The following PARVB variants were observed in gnomAD, a reference collection of about 807,000 sequenced individuals.
PARVB encodes the protein beta-parvin.
PARVB carries 46 observed loss-of-function variants against 47.0 expected under a neutral mutation model. The ratio of observed to expected loss-of-function variants is 0.98; its 90% CI spans 0.77 to 1.25. The LOEUF is 1.25. Ranked by LOEUF, PARVB falls within the 50% of genes most tolerant of loss-of-function variation. The pLI, the probability that PARVB is intolerant of heterozygous loss-of-function variation, is 0.00. For synonymous variants in PARVB, 196 were observed against 196.3 expected (o/e 1.00, Z 0.01); for missense variants, 473 against 471.6 (o/e 1.00, Z -0.03).
At chr22:44,074,902 G>A (rs2051733536) in intron 1 of PARVB, among the ~76,000 whole-genome samples, 1 of 152,172 alleles carries the variant, frequency 6.6e-6, no homozygotes. Flanking sequence ...GGACGGAGGA[G>A]CCCAGTGGGC....
chr22:44,071,723 G>A (rs1254813286), intron 1 of PARVB, among the ~76,000 whole-genome samples: 1 of 152,144 alleles, frequency 6.6e-6, no homozygotes, highest in Admixed American at 6.5e-5. Flanking sequence ...ATTAGTGATG[G>A]GTGTTTATTT....
upstream of PARVB, among the ~76,000 whole-genome samples, chr22:44,022,566 ATG>A (rs2050662427): frequency 6.6e-6 from 1 of 151,896 alleles, no homozygotes; most frequent in Non-Finnish European, 1.5e-5. Flanking sequence ...CAACAGAAAC[ATG>A]TACTGCACTG....
intron 1 of PARVB, among the ~76,000 whole-genome samples, chr22:44,091,271 C>G (rs936935801): frequency 3.1e-5 from 4 of 127,594 alleles, no homozygotes; most frequent in African/African-American, 1.1e-4. Flanking sequence ...TGGAGAGGGC[C>G]TGCTTTTTTT....
chr22:44,035,747 C>T (rs997765403), intron 1 of PARVB, among the ~76,000 whole-genome samples: 5 of 151,472 alleles, frequency 3.3e-5, no homozygotes, highest in Non-Finnish European at 5.9e-5. Context: ...TCAGGGTTTA[C>T]GGTATTGCAC....
chr22:44,103,777 G>T lies in PARVB; in HGVS notation c.273+3654G>T, dbSNP rs2052506146. 3 of 152,244 alleles carry T rather than the reference G, an allele frequency of 2.0e-5. No homozygotes were observed. The South Asian group carries it at 6.2e-4, about 31-fold the overall frequency. The allele number at this position is 152,244 out of a possible 1,614,324, so 9.4% of individuals were successfully genotyped here. ...GTGGTAGCTTCTGGCTCTGAAGATGGAAGAAGGGGCCATGCACTAATGGAT... is the reference window on the plus strand; with the variant it reads ...GTGGTAGCTTCTGGCTCTGAAGATGTAAGAAGGGGCCATGCACTAATGGAT... On this transcript the variant is annotated intron_variant, in intron 3 of 12. Coordinates refer to ENST00000338758, the MANE Select transcript of PARVB (RefSeq NM_013327.5). The surrounding 1 kb of genome is among the most constrained non-coding windows in gnomAD (Gnocchi z 4.6).
At chr22:44,076,464 G>A (rs5764084) in intron 1 of PARVB, among the ~76,000 whole-genome samples, 22,134 of 152,174 alleles carry the variant, frequency 0.15, 1,954 homozygotes, top group East Asian at 0.42. Context: ...TCTTCCCTCC[G>A]GAGGGTGCAG....
chr22:44,122,803 C>T (rs2053100014), intron 4 of PARVB, among the ~76,000 whole-genome samples: 1 of 152,148 alleles, frequency 6.6e-6, no homozygotes, highest in Non-Finnish European at 1.5e-5. Flanking sequence ...TTAATATGTT[C>T]TAGGAATCCT....
intron 1 of PARVB, among the ~76,000 whole-genome samples, chr22:44,027,939 ATT>A (rs1491442780): frequency 1.4e-5 from 2 of 143,846 alleles, no homozygotes; most frequent in African/African-American, 5.1e-5. Context: ...ATATATATAT[ATT>A]CATGTGTGTG....
intron 1 of PARVB, among the ~76,000 whole-genome samples, chr22:44,047,831 T>C (rs761184960): frequency 1.3e-5 from 2 of 152,130 alleles, no homozygotes; most frequent in African/African-American, 2.4e-5. Flanking sequence ...TATTTGACGT[T>C]GGTGTAATCT....
At chr22:44,099,952 C>G in intron 2 of PARVB, 101 bp from the exon 3 acceptor site, 1 of 956,770 alleles carries the variant, frequency 1.0e-6, no homozygotes, top group Non-Finnish European at 1.7e-6. Context: ...GCTGGGTTCT[C>G]TGCTTCTCCA....
At position 44,006,497 on chromosome 22, in the gene PARVB, C is replaced by T. The variant is rs141489037; in HGVS notation, c.211+6824C>T. On this transcript the variant is annotated intron_variant, in intron 2 of 13. Coordinates refer to the PARVB transcript ENST00000406477. ...AAAATCAGTCGGGCGTGGTGGCATGCGCCTGTAGTCCCAGCTACTTGGGAG... is the reference window on the plus strand; with the variant it reads ...AAAATCAGTCGGGCGTGGTGGCATGTGCCTGTAGTCCCAGCTACTTGGGAG... Among the ~76,000 whole-genome samples the T allele has an allele frequency of 2.6e-3, 399 of 152,248 alleles. 1 individual carries two copies. The highest frequency in any genetic ancestry group is 4.9e-3 in the Admixed American group (75 of 15,296).
intron 1 of PARVB, among the ~76,000 whole-genome samples, chr22:44,071,882 G>A (rs2051662471): frequency 6.6e-6 from 1 of 152,214 alleles, no homozygotes; most frequent in Non-Finnish European, 1.5e-5. Context: ...AACCCCTGTA[G>A]GCGTCCATGC....
chr22:44,092,142 C>T (rs1385056089), intron 1 of PARVB, among the ~76,000 whole-genome samples: 3 of 152,058 alleles, frequency 2.0e-5, no homozygotes, highest in Non-Finnish European at 4.4e-5. Flanking sequence ...GATGGAGTCT[C>T]GCTCTGTCAC....
chr22:44,154,531 G>C (rs1001361099), intron 10 of PARVB, among the ~76,000 whole-genome samples: 12 of 119,848 alleles, frequency 1.0e-4, no homozygotes, highest in African/African-American at 4.2e-4. Flanking sequence ...ATGTAGTCTG[G>C]TGGGTGTGTG....
chr22:44,024,866 A>C (rs1296201726), intron 1 of PARVB, among the ~76,000 whole-genome samples: 3 of 151,996 alleles, frequency 2.0e-5, no homozygotes, highest in Non-Finnish European at 4.4e-5. Context: ...GGGACCCACT[A>C]CTGGGTGTTG....
chr22:44,039,494 T>C (rs1399561178), intron 1 of PARVB, among the ~76,000 whole-genome samples: 1 of 150,220 alleles, frequency 6.7e-6, no homozygotes, highest in South Asian at 2.1e-4. Flanking sequence ...TGGCAGTCAA[T>C]ATCGTGCCAC....
At chr22:44,156,387 C>T (rs2053934575) in intron 10 of PARVB, among the ~76,000 whole-genome samples, 1 of 147,158 alleles carries the variant, frequency 6.8e-6, no homozygotes. Context: ...TAAAGCGATT[C>T]TCCTGCCTCA....
At chr22:44,031,019 T>C (rs796272721) in intron 1 of PARVB, among the ~76,000 whole-genome samples, 1 of 151,662 alleles carries the variant, frequency 6.6e-6, no homozygotes, top group Non-Finnish European at 1.5e-5. Context: ...ATGGTGGAGG[T>C]CCTATTTGGA....
At chr22:44,069,455 T>A (rs1352334023) in intron 1 of PARVB, among the ~76,000 whole-genome samples, 1 of 152,164 alleles carries the variant, frequency 6.6e-6, no homozygotes, top group Non-Finnish European at 1.5e-5. Context: ...TTTGGAACAT[T>A]CTCAGGCACA....
Sources: allele counts gnomAD v4.1 joint callset (sites outside exome capture counted in the v4.1 genomes callset), GRCh38; gene constraint gnomAD v4.1.1; non-coding constraint Gnocchi (gnomAD v3.1); transcripts MANE v1.5; gene names NCBI Gene and HGNC (gene_info 2026-07-23, HGNC 2026-07-21).